The following GRIK2 variants were observed in gnomAD, a reference collection of about 807,000 sequenced individuals.
The protein encoded by GRIK2 is glutamate receptor ionotropic, kainate 2.
GRIK2 carries 32 observed loss-of-function variants against 100.3 expected under a neutral mutation model. The observed-to-expected ratio is 0.32, with a 90% CI of 0.24 to 0.43. The LOEUF (loss-of-function observed/expected upper bound fraction) is 0.43. Ranked by LOEUF, GRIK2 falls within the 20% of genes least tolerant of loss-of-function variation. GRIK2 has a pLI of 1.00. For synonymous variants in GRIK2, 417 were observed against 389.4 expected, an observed-to-expected ratio of 1.07 and a Z score of -0.83; for missense variants, 843 against 1,114.9, an observed-to-expected ratio of 0.76 and a Z score of 3.47.
intron 4 of GRIK2, among the ~76,000 whole-genome samples, chr6:101,635,921 A>C (rs1261377975): frequency 6.6e-6 from 1 of 151,752 alleles, no homozygotes; most frequent in Non-Finnish European, 1.5e-5. Flanking sequence ...AATTAGTTCA[A>C]CCATTGTGGA....
intron 14 of GRIK2, among the ~76,000 whole-genome samples, chr6:102,016,422 T>C (rs1159968185): frequency 6.6e-6 from 1 of 151,878 alleles, no homozygotes; most frequent in Non-Finnish European, 1.5e-5. Context: ...TTTTCTGAAA[T>C]AGGAGAGTCA....
intron 14 of GRIK2, among the ~76,000 whole-genome samples, chr6:101,949,728 C>A (rs572561415): frequency 6.6e-6 from 1 of 152,230 alleles, no homozygotes; most frequent in South Asian, 2.1e-4. Flanking sequence ...TGTATATGTG[C>A]CACATTTTCT....
chr6:101,416,092 AT>A (rs1167705321), intron 2 of GRIK2, among the ~76,000 whole-genome samples: 1 of 152,256 alleles, frequency 6.6e-6, no homozygotes, highest in East Asian at 1.9e-4. Flanking sequence ...TCCAGGTCTT[AT>A]CCTGTCTCTT....
intron 14 of GRIK2, among the ~76,000 whole-genome samples, chr6:102,033,414 G>T (rs1305569843): frequency 6.6e-6 from 1 of 151,290 alleles, no homozygotes; most frequent in Non-Finnish European, 1.5e-5. Context: ...AAAACCTCTA[G>T]TACCTGCTTG....
intron 7 of GRIK2, among the ~76,000 whole-genome samples, chr6:101,751,946 G>C (rs753332529): frequency 9.2e-5 from 14 of 152,186 alleles, no homozygotes; most frequent in Middle Eastern, 3.4e-3. Flanking sequence ...TAAATGAGGA[G>C]ATTCTATTTC....
At chr6:101,454,051 T>A (rs2128250167) in intron 2 of GRIK2, among the ~76,000 whole-genome samples, 1 of 152,090 alleles carries the variant, frequency 6.6e-6, no homozygotes, top group Non-Finnish European at 1.5e-5. Context: ...TTCACACCCT[T>A]TGAAGAAGGG....
intron 7 of GRIK2, among the ~76,000 whole-genome samples, chr6:101,726,350 C>A (rs756995429): frequency 6.6e-6 from 1 of 151,910 alleles, no homozygotes; most frequent in Non-Finnish European, 1.5e-5. Context: ...ATGAAAGGTA[C>A]TAAAATGAAT....
chr6:101,909,541 T>C (rs902627731), intron 12 of GRIK2, among the ~76,000 whole-genome samples: 2 of 150,850 alleles, frequency 1.3e-5, no homozygotes, highest in Non-Finnish European at 3.0e-5. Flanking sequence ...AAGAAATGAG[T>C]AGTCACAGAT....
intron 2 of GRIK2, among the ~76,000 whole-genome samples, chr6:101,415,397 G>A (rs1309695825): frequency 7.9e-6 from 1 of 125,928 alleles, no homozygotes; most frequent in Non-Finnish European, 1.6e-5. Context: ...TTGAGACGGC[G>A]TCTTGCTCTG....
chr6:101,802,556 ATAAATAGTTAATTCAT>A (rs1780742138), intron 9 of GRIK2, 118 bp downstream of exon 9: 2 of 428,360 alleles, frequency 4.7e-6, no homozygotes, highest in Non-Finnish European at 8.4e-6. Flanking sequence ...AACTCTAAAA[ATAAATAGTTAATTCAT>A]TATATTGAAT....
chr6:101,731,498 G>T (rs925210518), intron 7 of GRIK2, among the ~76,000 whole-genome samples: 1 of 151,898 alleles, frequency 6.6e-6, no homozygotes, highest in Non-Finnish European at 1.5e-5. Context: ...AAAAACATTT[G>T]CACATAGGGT....
chr6:101,806,220 TG>T (rs1161582244), intron 9 of GRIK2, among the ~76,000 whole-genome samples: 1 of 152,038 alleles, frequency 6.6e-6, no homozygotes, highest in Non-Finnish European at 1.5e-5. Context: ...TATGAGAGGC[TG>T]GTATTGAGCA....
chr6:101,599,851 T>C (rs1779116969), intron 2 of GRIK2, among the ~76,000 whole-genome samples: 2 of 151,852 alleles, frequency 1.3e-5, no homozygotes, highest in Admixed American at 6.6e-5. Flanking sequence ...TCCTGTAGGT[T>C]GTCTGTTCAC....
chr6:101,931,407 G>A (rs2077947595), intron 14 of GRIK2, among the ~76,000 whole-genome samples: 1 of 152,076 alleles, frequency 6.6e-6, no homozygotes. Context: ...AGACCTTGCT[G>A]TTAACTAATT....
chr6:101,816,403 CG>C (rs5878691), intron 9 of GRIK2, among the ~76,000 whole-genome samples: 30,047 of 152,032 alleles, frequency 0.2, 4,823 homozygotes, highest in East Asian at 0.65. Flanking sequence ...ACACTTTGGC[CG>C]GGCACAGTGG....
intron 2 of GRIK2, among the ~76,000 whole-genome samples, chr6:101,537,225 C>A (rs1223407945): frequency 6.6e-6 from 1 of 151,718 alleles, no homozygotes; most frequent in African/African-American, 2.4e-5. Context: ...AAATATTATT[C>A]TTTCAATAAA....
At chr6:101,900,044 C>T (rs944781308) in intron 12 of GRIK2, among the ~76,000 whole-genome samples, 1 of 151,986 alleles carries the variant, frequency 6.6e-6, no homozygotes, top group Non-Finnish European at 1.5e-5. Flanking sequence ...AAATAAGATT[C>T]ATACTTAGAG....
At chr6:101,439,942 T>A (rs1769951224) in intron 2 of GRIK2, among the ~76,000 whole-genome samples, 1 of 152,174 alleles carries the variant, frequency 6.6e-6, no homozygotes, top group African/African-American at 2.4e-5. Context: ...ATTCATTTGT[T>A]ATTGTTAGTG....
intron 2 of GRIK2, among the ~76,000 whole-genome samples, chr6:101,615,531 T>C (rs1358957345): frequency 6.6e-6 from 1 of 151,846 alleles, no homozygotes; most frequent in Non-Finnish European, 1.5e-5. Context: ...ATAGGTCTTA[T>C]GAGTCCTTTA....
Sources: allele counts gnomAD v4.1 joint callset (sites outside exome capture counted in the v4.1 genomes callset), GRCh38; gene constraint gnomAD v4.1.1; transcripts MANE v1.5; gene names NCBI Gene and HGNC (gene_info 2026-07-23, HGNC 2026-07-21).